Variants in MIPOL1 observed in about 807,000 individuals in gnomAD.
MIPOL1 encodes the protein mirror-image polydactyly 1.
A neutral mutation model predicts 60.9 loss-of-function variants in MIPOL1; 57 were observed. That is an observed-to-expected ratio of 0.94 (90% CI 0.76 to 1.17). The LOEUF (loss-of-function observed/expected upper bound fraction) is 1.17, where lower values mean the gene tolerates loss of function less well. Ranked by LOEUF, MIPOL1 falls within the 50% of genes most tolerant of loss-of-function variation. The pLI is 0.00. For synonymous variants in MIPOL1, 179 were observed against 168.8 expected, an observed-to-expected ratio of 1.06 and a Z score of -0.47; for missense variants, 551 against 511.6, an observed-to-expected ratio of 1.08 and a Z score of -0.74.
chr14:37,339,004 A>G (rs1296056335), intron 9 of MIPOL1, among the ~76,000 whole-genome samples: 9 of 152,240 alleles, frequency 5.9e-5, no homozygotes, highest in Non-Finnish European at 1.2e-4. Context: ...ATTAAAAGTG[A>G]AAGCTCATCA....
At chr14:37,407,094 G>C (rs1168339438) in intron 10 of MIPOL1, among the ~76,000 whole-genome samples, 1 of 152,122 alleles carries the variant, frequency 6.6e-6, no homozygotes, top group African/African-American at 2.4e-5. Flanking sequence ...AAAGGCTTAA[G>C]TAAATTATAT....
At chr14:37,255,904 T>G (rs1974840908) in intron 3 of MIPOL1, among the ~76,000 whole-genome samples, 1 of 151,826 alleles carries the variant, frequency 6.6e-6, no homozygotes, top group Admixed American at 6.6e-5. Flanking sequence ...TTTAGTACTA[T>G]AATATTAGGA....
At chr14:37,396,605 A>G (rs2093376597) in intron 10 of MIPOL1, among the ~76,000 whole-genome samples, 1 of 151,912 alleles carries the variant, frequency 6.6e-6, no homozygotes, top group Non-Finnish European at 1.5e-5. Context: ...TTTCAGGCAC[A>G]CCAGTTATTC....
chr14:37,385,099 G>A (rs1239233216), intron 10 of MIPOL1, among the ~76,000 whole-genome samples: 1 of 151,946 alleles, frequency 6.6e-6, no homozygotes, highest in Admixed American at 6.6e-5. Context: ...AAAACTATAC[G>A]ATAGAAGAAA....
chr14:37,371,159 GC>G (rs1232143472), intron 10 of MIPOL1, among the ~76,000 whole-genome samples: 2 of 148,842 alleles, frequency 1.3e-5, no homozygotes, highest in Non-Finnish European at 3.0e-5. Flanking sequence ...TTGCTCCATT[GC>G]CCAGACTGGA....
intron 7 of MIPOL1, among the ~76,000 whole-genome samples, chr14:37,307,000 A>AT (rs1176466871): frequency 4.6e-5 from 7 of 151,794 alleles, no homozygotes; most frequent in Admixed American, 2.6e-4. Context: ...ATGTGTATAT[A>AT]TTTTTTCTGT....
chr14:37,242,944 A>T (rs975239868), intron 1 of MIPOL1, among the ~76,000 whole-genome samples: 3 of 152,190 alleles, frequency 2.0e-5, no homozygotes, highest in Admixed American at 1.3e-4. Flanking sequence ...TTAGAGATCT[A>T]GAAGAGAGAA....
intron 10 of MIPOL1, among the ~76,000 whole-genome samples, chr14:37,420,109 G>A (rs1273909656): frequency 1.3e-5 from 2 of 148,442 alleles, no homozygotes; most frequent in East Asian, 2.0e-4. Context: ...AAAAAAAAAA[G>A]CAAGGTGTGT....
rs1567392561 is a variant in MIPOL1 at position 37,308,067 on chromosome 14, T to TTAAC, written c.636_639dup (p.Pro214Ter). On this transcript the variant is annotated frameshift_variant, in exon 8 of 13. Transcript: ENST00000684589. LOFTEE classifies it high-confidence loss of function. ...TCCCTTTTTTCTAGGCTAGAAAATA[T>TTAAC]TAACCCTGAAGAAAATGACATGGTA... is the stretch of plus-strand genomic sequence containing the variant. 6.2e-7 allele frequency: 1 copy of TTAAC among 1,611,424 alleles called. No individual in the cohort carries two copies.
intron 10 of MIPOL1, among the ~76,000 whole-genome samples, chr14:37,408,476 A>G (rs1375083582): frequency 6.6e-6 from 1 of 152,030 alleles, no homozygotes; most frequent in African/African-American, 2.4e-5. Context: ...CAAAAATTAC[A>G]AAAATTAGTT....
At chr14:37,438,351 G>T (rs1007157540) in intron 11 of MIPOL1, among the ~76,000 whole-genome samples, 1 of 152,138 alleles carries the variant, frequency 6.6e-6, no homozygotes, top group African/African-American at 2.4e-5. Context: ...ATATCTTGGA[G>T]TTCAATACAT....
chr14:37,217,654 C>T (rs1967974307), intron 1 of MIPOL1, among the ~76,000 whole-genome samples: 1 of 152,202 alleles, frequency 6.6e-6, no homozygotes, highest in Admixed American at 6.6e-5. Flanking sequence ...ACAATCATTT[C>T]AATTGACGCT....
intron 12 of MIPOL1, chr14:37,507,495 A>G (rs572078232): frequency 1.6e-4 from 25 of 152,404 alleles, no homozygotes; most frequent in African/African-American, 5.0e-4. Context: ...TCAGCTAACT[A>G]TCACAAGGAC....
At chr14:37,462,712 G>A (rs2094553892) in intron 11 of MIPOL1, among the ~76,000 whole-genome samples, 2 of 152,106 alleles carry the variant, frequency 1.3e-5, no homozygotes, top group Admixed American at 1.3e-4. Context: ...AATCTCTAGG[G>A]CAGGGACAAA....
chr14:37,232,557 C>A (rs1351039986), intron 1 of MIPOL1, among the ~76,000 whole-genome samples: 3 of 101,182 alleles, frequency 3.0e-5, no homozygotes, highest in Non-Finnish European at 8.1e-5. Context: ...ACCCTTCTGA[C>A]TATTCTTTTT....
chr14:37,299,719 A>T (rs111482539), intron 7 of MIPOL1, among the ~76,000 whole-genome samples: 1 of 152,100 alleles, frequency 6.6e-6, no homozygotes, highest in East Asian at 1.9e-4. Context: ...TTAAATTACC[A>T]TGATACTTTT....
In MIPOL1 at chr14:37,549,710, A is replaced by G. The variant is rs546163416; in HGVS notation, c.*2739A>G. On this transcript the variant is annotated 3_prime_UTR_variant, in exon 13 of 13. Transcript: ENST00000684589. Reference sequence around the variant, plus strand: ...CAAAAGATTGTACACATTTTTTTCAATGAAGTACAATAATGTGAACTGCAT... The same window carrying G: ...CAAAAGATTGTACACATTTTTTTCAGTGAAGTACAATAATGTGAACTGCAT... 1.6e-4 allele frequency: 24 copies of G among 152,074 alleles called. No individual in the cohort carries two copies. The highest frequency in any genetic ancestry group is 3.4e-3 in the Middle Eastern group (1 of 294). 9.4% of individuals were successfully genotyped at this position (152,074 alleles called of 1,614,324 possible).
At chr14:37,274,777 C>A (rs2083527716) in intron 6 of MIPOL1, among the ~76,000 whole-genome samples, 1 of 151,196 alleles carries the variant, frequency 6.6e-6, no homozygotes, top group Non-Finnish European at 1.5e-5. Context: ...TTACGAAGTG[C>A]TTAACCCATA....
chr14:37,331,446 A>T (rs1003413810), intron 9 of MIPOL1, among the ~76,000 whole-genome samples: 6 of 151,204 alleles, frequency 4.0e-5, no homozygotes, highest in African/African-American at 1.2e-4. Flanking sequence ...AGTTTCTTTC[A>T]TCAGTGTTTT....
Sources: allele counts gnomAD v4.1 joint callset (sites outside exome capture counted in the v4.1 genomes callset), GRCh38; gene constraint gnomAD v4.1.1; transcripts MANE v1.5; gene names NCBI Gene and HGNC (gene_info 2026-07-23, HGNC 2026-07-21).